PPP2R5D: variants seen among roughly 807,000 people sequenced by gnomAD.
PPP2R5D encodes the protein protein phosphatase 2 regulatory subunit B'delta, also known as serine/threonine-protein phosphatase 2A 56 kDa regulatory subunit delta isoform.
A neutral mutation model predicts 79.1 loss-of-function variants in PPP2R5D; 12 were observed. The ratio of observed to expected loss-of-function variants is 0.15; its 90% CI spans 0.10 to 0.25. PPP2R5D has a LOEUF of 0.25. Among genes scored for constraint, PPP2R5D ranks in the 10% least tolerant of loss-of-function variants. PPP2R5D has a pLI of 1.00. For missense variants in PPP2R5D, 419 were observed against 760.2 expected (o/e 0.55, Z 5.28); for synonymous variants, 277 against 286.6 (o/e 0.97, Z 0.34).
chr6:42,984,993 A>T (rs1288000774), intron 1 of PPP2R5D, among the ~76,000 whole-genome samples: 2 of 129,922 alleles, frequency 1.5e-5, no homozygotes, highest in Non-Finnish European at 3.2e-5. Context: ...GATCTGCCCC[A>T]TTCCCAGGTC....
Position 43,006,519 on chromosome 6 carries a change from A to G in PPP2R5D, c.162A>G (p.Ser54=), listed in dbSNP as rs1762090482. 1.9e-6 allele frequency: 3 copies of G among 1,613,998 alleles called. No homozygotes were observed. The African/African-American group carries it at 4.0e-5, about 22-fold the overall frequency. ...CCCAAGCCCAGTCTCAGCCACCGTC[A>G]TCCAACAAGCGTCCCAGCAATAGCA... The part of the protein sequence containing the change: ...PQPQAQSQPP[S]SNKRPSNSTP... Residue 54 remains serine, a synonymous_variant, in exon 3 of 16, where the codon TCA becomes TCG. Transcript: ENST00000485511. This position sits in a 1 kb window ranked among gnomAD's most constrained non-coding sequence, Gnocchi z 4.7.
intron 2 of PPP2R5D, among the ~76,000 whole-genome samples, chr6:42,998,274 C>T (rs149044009): frequency 0.018 from 2,746 of 150,242 alleles, 31 homozygotes; most frequent in South Asian, 0.03. Flanking sequence ...AGGGTTTCAC[C>T]ATGTTGGTCA....
rs567989671 is a variant in PPP2R5D, at chr6:43,010,237, G to A, written c.1380-231G>A. ...AGGTAGGCAGGCCTTGGAGCATGGG[G>A]TGAGGGAAGGATGGACAGGTGGACC... On this transcript the variant is annotated intron_variant, in intron 12 of 15. Transcript: ENST00000485511. The surrounding 1 kb of genome is among the most constrained non-coding windows in gnomAD (Gnocchi z 4.7). Among the ~76,000 whole-genome samples, 16 of 152,300 alleles carry A rather than the reference G, an allele frequency of 1.1e-4. No individual in the cohort carries two copies. The South Asian group carries it at 2.7e-3, about 26-fold the overall frequency.
Position 43,010,620 on chromosome 6 carries a change from G to A in PPP2R5D, c.1482-44G>A, listed in dbSNP as rs1561852642. ...TTTCATCTTCTACCACCAGCTCACT[G>A]TGTTTCTCTCAAGCCCAACCCCAAT... On this transcript the variant is annotated intron_variant, in intron 13 of 15. Transcript: ENST00000485511. This position sits in a 1 kb window ranked among gnomAD's most constrained non-coding sequence, Gnocchi z 4.7. 6.2e-7 allele frequency: 1 copy of A among 1,613,270 alleles called. No homozygotes were observed. The highest frequency in any genetic ancestry group is 2.2e-5 in the East Asian group (1 of 44,872).
chr6:43,010,398 A>G lies in PPP2R5D; in HGVS notation c.1380-70A>G, dbSNP rs1762295199. 2 of 1,266,670 alleles carry G rather than the reference A, an allele frequency of 1.6e-6. No homozygotes were observed. The highest frequency in any genetic ancestry group is 1.7e-5 in the Admixed American group (1 of 58,770). 78.5% of individuals were successfully genotyped at this position (1,266,670 alleles called of 1,614,324 possible). ...CTTAGCAGAGATACCCCTGTGAGAG[A>G]ACAAATTGGGTTCCTCACGCTAAGG... On this transcript the variant is annotated intron_variant, in intron 12 of 15. Coordinates refer to ENST00000485511, the MANE Select transcript of PPP2R5D (RefSeq NM_006245.4). The surrounding 1 kb of genome is among the most constrained non-coding windows in gnomAD (Gnocchi z 4.7).
chr6:43,010,611 C>G lies in PPP2R5D; in HGVS notation c.1481+42C>G. 1 of 1,612,670 alleles carries G rather than the reference C, an allele frequency of 6.2e-7. No individual in the cohort carries two copies. Among genetic ancestry groups the G allele is most frequent in the South Asian group, 1.1e-5 (1 of 91,050 alleles). On this transcript the variant is annotated intron_variant, in intron 13 of 15. Coordinates refer to ENST00000485511, the MANE Select transcript of PPP2R5D (RefSeq NM_006245.4). The surrounding 1 kb of genome is among the most constrained non-coding windows in gnomAD (Gnocchi z 4.7). ...CCGGGAGACTTTCATCTTCTACCAC[C>G]AGCTCACTGTGTTTCTCTCAAGCCC...
At position 43,011,290 on chromosome 6, in the gene PPP2R5D, C is replaced by T; in HGVS notation, c.*4C>T. 1 of 1,613,716 alleles carries T rather than the reference C, an allele frequency of 6.2e-7. No individual in the cohort carries two copies. The stretch of plus-strand genomic sequence containing the variant: ...TGCCAGCCAGGAGGCTCTCTGACCC[C>T]TCACGTTCCTACCACAGGGCCACAG... On this transcript the variant is annotated 3_prime_UTR_variant, in exon 16 of 16. Transcript: ENST00000485511.
At chr6:43,000,509 C>T (rs1772106475) in intron 2 of PPP2R5D, among the ~76,000 whole-genome samples, 1 of 152,144 alleles carries the variant, frequency 6.6e-6, no homozygotes, top group Non-Finnish European at 1.5e-5. Flanking sequence ...TCCAAAAGTG[C>T]TAGGATTACA....
At chr6:43,001,593 G>T (rs1772212047) in intron 2 of PPP2R5D, among the ~76,000 whole-genome samples, 1 of 151,948 alleles carries the variant, frequency 6.6e-6, no homozygotes, top group African/African-American at 2.4e-5. Context: ...CTTATAAAAT[G>T]CTTCTTTAGG....
Position 43,007,811 on chromosome 6 carries a change from TA to T in PPP2R5D, c.727-122del. On this transcript the variant is annotated intron_variant, in intron 6 of 15. Coordinates refer to ENST00000485511, the MANE Select transcript of PPP2R5D (RefSeq NM_006245.4). The surrounding 1 kb of genome is among the most constrained non-coding windows in gnomAD (Gnocchi z 4.5). The stretch of plus-strand genomic sequence containing the variant: ...GCAATATAATAGAATCACTGCTTTC[TA>T]AGACTTGCTGGCCCCCACTCCAGGG... The T allele has an allele frequency of 7.9e-7, 1 of 1,263,892 alleles. No homozygotes were observed. The highest frequency in any genetic ancestry group is 1.1e-6 in the Non-Finnish European group (1 of 891,110). 78.3% of individuals were successfully genotyped at this position (1,263,892 alleles called of 1,614,324 possible). A position where few individuals can be genotyped will look rare whatever the true frequency, so the allele number is the denominator to read the frequency against.
chr6:43,008,256 G>T lies in PPP2R5D; in HGVS notation c.913G>T (p.Gly305Cys), dbSNP rs1444240877. The T allele has an allele frequency of 2.5e-6, 4 of 1,614,056 alleles. No homozygotes were observed. ...NGIAELLEILGSIINGFALPL... is the reference protein window; with the variant it reads ...NGIAELLEILCSIINGFALPL... ...GATTGCTGAGCTCCTGGAGATCCTG[G>T]GCAGGTGAGAGGCCGGGTGGGGGCA... Residue 305 changes from glycine to cysteine, a missense_variant, in exon 8 of 16, where the codon GGC becomes TGC. Gly to Cys is a radical substitution (Grantham distance 159). This residue lies in a region of PPP2R5D where 196 missense variants were observed against 424.5 expected (regional missense o/e 0.46). Coordinates refer to ENST00000485511, the MANE Select transcript of PPP2R5D (RefSeq NM_006245.4). This position sits in a 1 kb window ranked among gnomAD's most constrained non-coding sequence, Gnocchi z 4.2.
chr6:42,989,325 C>A (rs1031758234), intron 1 of PPP2R5D, among the ~76,000 whole-genome samples: 1 of 152,178 alleles, frequency 6.6e-6, no homozygotes, highest in African/African-American at 2.4e-5. Flanking sequence ...CAAAGGCCCT[C>A]CCAGGCCCAA....
At chr6:43,002,654 C>T (rs966104540) in intron 2 of PPP2R5D, among the ~76,000 whole-genome samples, 8 of 152,188 alleles carry the variant, frequency 5.3e-5, no homozygotes, top group African/African-American at 1.9e-4. Context: ...ACGGGACCCA[C>T]AGGCTGGACC....
At position 42,989,622 on chromosome 6, in the gene PPP2R5D, G is replaced by A; in HGVS notation, c.39G>A (p.Lys13=). Residue 13 remains lysine, a synonymous_variant, in exon 2 of 16, where the codon AAG becomes AAA. Coordinates refer to ENST00000485511, the MANE Select transcript of PPP2R5D (RefSeq NM_006245.4). ...YKLKKEKEPP[K]VAKCTAKPSS... is the part of the protein sequence containing the mutation. ...TCTTTTCCTTTCAGGAGCCCCCCAA[G>A]GTTGCCAAATGCACAGCCAAGCCTA... is the stretch of plus-strand genomic sequence containing the variant. 2 of 1,613,752 alleles carry A rather than the reference G, an allele frequency of 1.2e-6. No individual in the cohort carries two copies. Among genetic ancestry groups the A allele is most frequent in the Non-Finnish European group, 8.5e-7 (1 of 1,179,740 alleles).
rs1762119380 is a variant in PPP2R5D, at chr6:43,006,930, G to A, written c.342G>A (p.Arg114=). ...PALKDSPTQE[R]EELFIQKLRQ... The stretch of plus-strand genomic sequence containing the variant: ...CCACAGATTCGCCAACCCAGGAGCG[G>A]GAGGAGCTGTTTATCCAGAAGCTAC... The change falls in exon 4 of 16, where the codon CGG becomes CGA. Residue 114 remains arginine (R), a synonymous_variant. Coordinates refer to ENST00000485511, the MANE Select transcript of PPP2R5D (RefSeq NM_006245.4). The surrounding 1 kb of genome is among the most constrained non-coding windows in gnomAD (Gnocchi z 4.7). 6.2e-7 allele frequency: 1 copy of A among 1,614,024 alleles called. No individual in the cohort carries two copies. Among genetic ancestry groups the A allele is most frequent in the Non-Finnish European group, 8.5e-7 (1 of 1,180,030 alleles).
intron 2 of PPP2R5D, among the ~76,000 whole-genome samples, chr6:42,992,554 C>T (rs896099859): frequency 6.6e-6 from 1 of 152,224 alleles, no homozygotes; most frequent in Non-Finnish European, 1.5e-5. Flanking sequence ...TGGCTCACAC[C>T]TGTAATCCTA....
rs746771442 is a variant in PPP2R5D at position 43,011,483 on chromosome 6, C to T, written c.*197C>T. The T allele has an allele frequency of 1.4e-6, 1 of 695,540 alleles. No individual in the cohort carries two copies. Among genetic ancestry groups the T allele is most frequent in the Non-Finnish European group, 2.4e-6 (1 of 425,038 alleles). The allele number at this position is 695,540 out of a possible 1,614,324, so 43.1% of individuals were successfully genotyped here. A position where few individuals can be genotyped will look rare whatever the true frequency, so the allele number is the denominator to read the frequency against. On this transcript the variant is annotated 3_prime_UTR_variant, in exon 16 of 16. Coordinates refer to ENST00000485511, the MANE Select transcript of PPP2R5D (RefSeq NM_006245.4). ...TTCTCCCCAAAAGGTGTTCATGCCT[C>T]CCTGTGGCTAGTACAGGCTGAGCAC... is the stretch of plus-strand genomic sequence containing the variant.
Position 43,006,581 on chromosome 6 carries a change from C to T in PPP2R5D, c.224C>T (p.Ser75Leu). Residue 75 changes from serine (S) to leucine (L), a missense_variant, in exon 3 of 16, where the codon TCA (serine) becomes TTA (leucine). Ser to Leu is a moderately radical substitution (Grantham distance 145). Coordinates refer to ENST00000485511, the MANE Select transcript of PPP2R5D (RefSeq NM_006245.4). This position sits in a 1 kb window ranked among gnomAD's most constrained non-coding sequence, Gnocchi z 4.7. ...ACGCAGCTCAGCAAAATCAAGTACT[C>T]AGGGGGGCCCCAGATTGTCAAGAAG... is the stretch of plus-strand genomic sequence containing the variant. ...PPTQLSKIKY[S>L]GGPQIVKKER... 1 of 1,614,154 alleles carries T rather than the reference C, an allele frequency of 6.2e-7. No homozygotes were observed. Among genetic ancestry groups the T allele is most frequent in the Non-Finnish European group, 8.5e-7 (1 of 1,180,034 alleles).
rs1012555767 is a variant in PPP2R5D, at chr6:43,006,588, G to A, written c.231G>A (p.Gly77=). The change falls in exon 3 of 16, where the codon GGG becomes GGA. Residue 77 remains glycine, a synonymous_variant. Coordinates refer to ENST00000485511, the MANE Select transcript of PPP2R5D (RefSeq NM_006245.4). The surrounding 1 kb of genome is among the most constrained non-coding windows in gnomAD (Gnocchi z 4.7). ...TQLSKIKYSG[G]PQIVKKERRQ... ...TCAGCAAAATCAAGTACTCAGGGGGGCCCCAGATTGTCAAGAAGGAGCGAC... is the reference window on the plus strand; with the variant it reads ...TCAGCAAAATCAAGTACTCAGGGGGACCCCAGATTGTCAAGAAGGAGCGAC... 8 of 1,614,120 alleles carry A rather than the reference G, an allele frequency of 5.0e-6. 1 individual carries two copies. In the Middle Eastern group the frequency reaches 6.6e-4, roughly 133 times the overall value.
Sources: allele counts gnomAD v4.1 joint callset (sites outside exome capture counted in the v4.1 genomes callset), GRCh38; gene constraint gnomAD v4.1.1; regional missense constraint gnomAD v4.1.1; non-coding constraint Gnocchi (gnomAD v3.1); transcripts MANE v1.5; gene names NCBI Gene and HGNC (gene_info 2026-07-23, HGNC 2026-07-21).